SPTAN1: variants seen among roughly 807,000 people sequenced by gnomAD.
SPTAN1 encodes the protein spectrin alpha chain, non-erythrocytic 1.
SPTAN1 carries 61 observed loss-of-function variants against 331.3 expected under a neutral mutation model. The observed-to-expected ratio is 0.18, with a 90% CI of 0.15 to 0.23. SPTAN1 has a LOEUF of 0.23. Ranked by LOEUF, SPTAN1 falls within the 10% of genes least tolerant of loss-of-function variation. The pLI, the probability that SPTAN1 is intolerant of heterozygous loss-of-function variation, is 1.00. For synonymous variants in SPTAN1, 1,153 were observed against 1,173.9 expected, an observed-to-expected ratio of 0.98 and a Z score of 0.36; for missense variants, 2,043 against 3,147.9, an observed-to-expected ratio of 0.65 and a Z score of 8.40.
chr9:128,588,522 G>T (rs1016556922), intron 20 of SPTAN1, among the ~76,000 whole-genome samples: 3 of 151,618 alleles, frequency 2.0e-5, no homozygotes, highest in African/African-American at 7.3e-5. Flanking sequence ...TGTTGGTCAG[G>T]CTGGTCTCGA....
chr9:128,576,645 A>G (rs1329782996), intron 5 of SPTAN1, among the ~76,000 whole-genome samples, 178 bp from the exon 6 acceptor site: 4 of 152,238 alleles, frequency 2.6e-5, no homozygotes, highest in South Asian at 2.1e-4. Context: ...CCCTTTTTAC[A>G]TAAGAAATAG....
intron 56 of SPTAN1, 114 bp from the exon 57 acceptor site, chr9:128,633,095 C>T (rs936221603): frequency 6.3e-7 from 1 of 1,594,942 alleles, no homozygotes; most frequent in East Asian, 2.2e-5. Context: ...GGACAGAAGT[C>T]CCGGATCTGC....
intron 3 of SPTAN1, among the ~76,000 whole-genome samples, chr9:128,571,124 C>CA (rs757335986): frequency 5.9e-5 from 9 of 151,750 alleles, no homozygotes; most frequent in African/African-American, 1.2e-4. Context: ...CTCGTCTCTA[C>CA]AAAAAAAATT....
chr9:128,566,699 G>A (rs773861549), intron 1 of SPTAN1, 39 bp from the exon 2 acceptor site: 1 of 1,613,562 alleles, frequency 6.2e-7, no homozygotes. Context: ...CTATTTTGGT[G>A]CCTATTGGTA....
rs2131005583 is a variant in SPTAN1 at position 128,576,840 on chromosome 9, G to A, written c.669G>A (p.Glu223=). ...TTGTTTAGGAGCAGCACCCTGAGGAGGAACTGATCAAGACTAAGCAGGATG... is the reference window on the plus strand; with the variant it reads ...TTGTTTAGGAGCAGCACCCTGAGGAAGAACTGATCAAGACTAAGCAGGATG... ...AKLIQEQHPE[E]ELIKTKQDEV... is the part of the protein sequence containing the mutation. Residue 223 remains glutamate (E), a synonymous_variant, in exon 6 of 57, where the codon GAG becomes GAA. Transcript: ENST00000372739. 4 of 1,613,924 alleles carry A rather than the reference G, an allele frequency of 2.5e-6. No individual in the cohort carries two copies. In the East Asian group the frequency reaches 8.9e-5, roughly 36 times the overall value.
chr9:128,577,294 A>G lies in SPTAN1; in HGVS notation c.930+21A>G, dbSNP rs370884916. 1.7e-5 allele frequency: 28 copies of G among 1,614,106 alleles called. No homozygotes were observed. The African/African-American group carries it at 2.5e-4, about 15-fold the overall frequency. On this transcript the variant is annotated intron_variant, in intron 7 of 56. Transcript: ENST00000372739. This position sits in a 1 kb window ranked among gnomAD's most constrained non-coding sequence, Gnocchi z 4.2. The stretch of plus-strand genomic sequence containing the variant: ...ACAAGGTGGGTTTTACAAGCAGCTG[A>G]TTCTGTAAATAAGTTACCAAGGGTC...
chr9:128,607,859 G>A lies in SPTAN1; in HGVS notation c.4154G>A (p.Arg1385Gln), dbSNP rs961027509. 11 of 1,613,758 alleles carry A rather than the reference G, an allele frequency of 6.8e-6. No individual in the cohort carries two copies. The highest frequency in any genetic ancestry group is 2.7e-5 in the African/African-American group (2 of 74,886). ...CTTCCCTCCTTTTGGCAGGAACACC[G>A]GACAGAAATCGATGCCAGGGCTGGC... ...EALLERHQEH[R>Q]TEIDARAGTF... The change falls in exon 33 of 57, where the codon CGG (arginine) becomes CAG (glutamine). Residue 1385 changes from arginine (R) to glutamine (Q), a missense_variant. Transcript: ENST00000372739.
chr9:128,554,311 T>C (rs533383147), intron 1 of SPTAN1, among the ~76,000 whole-genome samples: 24 of 152,334 alleles, frequency 1.6e-4, no homozygotes, highest in Non-Finnish European at 3.4e-4. Context: ...TTCTCTGATA[T>C]GCTTTGGTCT....
chr9:128,561,701 A>G (rs1411154591), intron 1 of SPTAN1, among the ~76,000 whole-genome samples: 1 of 147,344 alleles, frequency 6.8e-6, no homozygotes, highest in African/African-American at 2.5e-5. Context: ...ATATGTCAAT[A>G]TGTCAACTCT....
Position 128,584,852 on chromosome 9 carries a change from T to G in SPTAN1, c.2560+9T>G. On this transcript the variant is annotated intron_variant, in intron 18 of 56. Transcript: ENST00000372739. ...TGCCATGGTGGAGGAAGGTGAGTGA[T>G]TGGTATCAGTGACATGGCTTGGTGC... The G allele has an allele frequency of 1.9e-6, 3 of 1,614,146 alleles. No homozygotes were observed. Among genetic ancestry groups the G allele is most frequent in the Middle Eastern group, 1.6e-4 (1 of 6,062 alleles).
intron 38 of SPTAN1, 67 bp from the exon 39 acceptor site, chr9:128,612,042 T>C (rs758127988): frequency 5.0e-5 from 81 of 1,613,170 alleles, no homozygotes; most frequent in Non-Finnish European, 6.8e-5. Flanking sequence ...AGTTCTCAAA[T>C]TGAGCTTTAG....
chr9:128,592,791 C>A (rs537568307), intron 22 of SPTAN1, among the ~76,000 whole-genome samples, 192 bp from the exon 23 acceptor site: 2 of 152,316 alleles, frequency 1.3e-5, no homozygotes, highest in African/African-American at 4.8e-5. Flanking sequence ...AACTAACCCT[C>A]TAATTTTCCT....
chr9:128,559,626 C>T (rs145292788), intron 1 of SPTAN1, among the ~76,000 whole-genome samples: 1,915 of 152,150 alleles, frequency 0.013, 13 homozygotes, highest in Non-Finnish European at 0.018. Flanking sequence ...CATAATTTCT[C>T]AATGTTTTTC....
Position 128,566,733 on chromosome 9 carries a change from T to G in SPTAN1, c.-3-5T>G. 1 of 1,614,130 alleles carries G rather than the reference T, an allele frequency of 6.2e-7. No homozygotes were observed. The highest frequency in any genetic ancestry group is 8.5e-7 in the Non-Finnish European group (1 of 1,180,016). On this transcript the variant is annotated splice_region_variant and splice_polypyrimidine_tract_variant and intron_variant, in intron 1 of 56. Transcript: ENST00000372739. ...TACTTATCTCAGCGCATTTTGTCATTTCAGAAAATGGACCCAAGTGGGGTC... is the reference window on the plus strand; with the variant it reads ...TACTTATCTCAGCGCATTTTGTCATGTCAGAAAATGGACCCAAGTGGGGTC...
intron 40 of SPTAN1, 43 bp downstream of exon 40, chr9:128,613,528 AGCT>A: frequency 6.7e-7 from 1 of 1,503,178 alleles, no homozygotes; most frequent in Non-Finnish European, 9.3e-7. Context: ...CCTGGGACAC[AGCT>A]CTGCCTGACT....
intron 5 of SPTAN1, among the ~76,000 whole-genome samples, chr9:128,575,876 A>G (rs1409367273): frequency 6.6e-6 from 1 of 152,176 alleles, no homozygotes; most frequent in Non-Finnish European, 1.5e-5. Flanking sequence ...TTCCACTACG[A>G]GTCCAAAGGG....
chr9:128,628,488 G>A, intron 51 of SPTAN1: 1 of 308,782 alleles, frequency 3.2e-6, no homozygotes, highest in South Asian at 2.8e-5. Flanking sequence ...CTAATAGAAG[G>A]CAAAAATGCA....
rs1432056261 is a variant in SPTAN1, at chr9:128,606,384, A to AAAAAAAC, written c.4046+913_4046+914insCAAAAAA. ...AGCAAGACTCTGCCTCAAAAAAAAA[A>AAAAAAAC]AAAAAAAACAAGTCTCTACTTTCCT... On this transcript the variant is annotated intron_variant, in intron 31 of 56. Transcript: ENST00000372739. Among the ~76,000 whole-genome samples the AAAAAAAC allele has an allele frequency of 7.3e-5, 11 of 150,604 alleles. 1 individual carries two copies. Among genetic ancestry groups the AAAAAAAC allele is most frequent in the Non-Finnish European group, 1.3e-4 (9 of 67,658 alleles).
At chr9:128,557,948 T>C (rs1334046867) in intron 1 of SPTAN1, among the ~76,000 whole-genome samples, 1 of 151,840 alleles carries the variant, frequency 6.6e-6, no homozygotes. Context: ...GGACTACAGG[T>C]GCCCGCCACC....
Sources: allele counts gnomAD v4.1 joint callset (sites outside exome capture counted in the v4.1 genomes callset), GRCh38; gene constraint gnomAD v4.1.1; non-coding constraint Gnocchi (gnomAD v3.1); transcripts MANE v1.5; gene names NCBI Gene and HGNC (gene_info 2026-07-23, HGNC 2026-07-21).